NCAM2: variants seen among roughly 807,000 people sequenced by gnomAD.
The protein encoded by NCAM2 is neural cell adhesion molecule 2, also known as N-CAM-2.
In NCAM2, 30 loss-of-function variants were observed where a neutral mutation model predicts 98.1. That is an observed-to-expected ratio of 0.31 (90% CI 0.23 to 0.41). The LOEUF is 0.41. Ranked by LOEUF, NCAM2 falls within the 10% of genes least tolerant of loss-of-function variation. The pLI is 1.00. For synonymous variants in NCAM2, 368 were observed against 342.4 expected (o/e 1.07, Z -0.83); for missense variants, 867 against 1,005.8 (o/e 0.86, Z 1.87).
chr21:21,366,095 G>A (rs978675728), intron 8 of NCAM2, among the ~76,000 whole-genome samples: 12 of 152,008 alleles, frequency 7.9e-5, no homozygotes, highest in African/African-American at 2.9e-4. Context: ...AGAGCAAGAA[G>A]CATAGAGAAG....
chr21:21,406,224 T>C (rs1569027232), intron 9 of NCAM2, among the ~76,000 whole-genome samples: 1 of 152,150 alleles, frequency 6.6e-6, no homozygotes, highest in African/African-American at 2.4e-5. Context: ...CAAGTTGGAA[T>C]GTACAGCCAA....
At chr21:21,339,341 T>C (rs969134388) in intron 8 of NCAM2, among the ~76,000 whole-genome samples, 7 of 152,092 alleles carry the variant, frequency 4.6e-5, no homozygotes, top group African/African-American at 1.7e-4. Flanking sequence ...TTAACCAGAA[T>C]GCATTCAACT....
chr21:21,458,804 A>G (rs1294202165), intron 12 of NCAM2, among the ~76,000 whole-genome samples: 1 of 152,180 alleles, frequency 6.6e-6, no homozygotes, highest in Admixed American at 6.5e-5. Flanking sequence ...TATTTTGCAT[A>G]TGACACCCAA....
chr21:21,036,518 A>G (rs540581278), intron 1 of NCAM2, among the ~76,000 whole-genome samples: 8 of 152,344 alleles, frequency 5.3e-5, no homozygotes, highest in African/African-American at 1.7e-4. Flanking sequence ...AAAACCATAC[A>G]TATTTATTAA....
At chr21:21,217,641 C>G (rs2069960535) in intron 1 of NCAM2, among the ~76,000 whole-genome samples, 2 of 152,004 alleles carry the variant, frequency 1.3e-5, no homozygotes. Context: ...TTAATTAACT[C>G]AATAATTGAT....
At chr21:21,087,408 A>G (rs1333215249) in intron 1 of NCAM2, among the ~76,000 whole-genome samples, 1 of 152,018 alleles carries the variant, frequency 6.6e-6, no homozygotes, top group Non-Finnish European at 1.5e-5. Context: ...GTCCTCATCT[A>G]CTGTCGCTGC....
rs186470824 is a variant in NCAM2 at position 21,526,233 on chromosome 21, G to A, written c.2283-8304G>A. Among the ~76,000 whole-genome samples, 481 of 151,972 alleles carry A rather than the reference G, an allele frequency of 3.2e-3. 6 individuals carry two copies. The highest frequency in any genetic ancestry group is 0.011 in the African/African-American group (467 of 41,486). On this transcript the variant is annotated intron_variant, in intron 16 of 17. Transcript: ENST00000400546. ...ACATGATAGTCTATGAAAAAAGTCTGAAAAAACACCTGGGTATAGTCAATG... is the reference window on the plus strand; with the variant it reads ...ACATGATAGTCTATGAAAAAAGTCTAAAAAAACACCTGGGTATAGTCAATG...
chr21:21,186,195 A>G (rs1444019489), intron 1 of NCAM2, among the ~76,000 whole-genome samples: 1 of 152,170 alleles, frequency 6.6e-6, no homozygotes, highest in Non-Finnish European at 1.5e-5. Flanking sequence ...ATCAAAAATT[A>G]GTTTTCAAAG....
At chr21:21,265,515 A>G (rs1254915822) in intron 1 of NCAM2, among the ~76,000 whole-genome samples, 1 of 144,606 alleles carries the variant, frequency 6.9e-6, no homozygotes, top group Non-Finnish European at 1.5e-5. Context: ...GTGTATATAT[A>G]CACATACACA....
At chr21:21,457,456 A>G (rs572986937) in intron 12 of NCAM2, among the ~76,000 whole-genome samples, 1 of 152,276 alleles carries the variant, frequency 6.6e-6, no homozygotes, top group South Asian at 2.1e-4. Flanking sequence ...CCTGGCCAAT[A>G]TGGTGAAACC....
intron 11 of NCAM2, among the ~76,000 whole-genome samples, chr21:21,425,014 C>A (rs896050339): frequency 8.4e-6 from 1 of 119,480 alleles, no homozygotes; most frequent in East Asian, 2.5e-4. Flanking sequence ...CTAGCCTGGG[C>A]GACAAAAGCG....
chr21:21,320,597 A>G (rs1210700818), intron 5 of NCAM2, among the ~76,000 whole-genome samples: 1 of 152,132 alleles, frequency 6.6e-6, no homozygotes, highest in African/African-American at 2.4e-5. Flanking sequence ...TTAAAAAAAG[A>G]AAACAGATGG....
intron 1 of NCAM2, among the ~76,000 whole-genome samples, chr21:21,023,384 C>T (rs962620599): frequency 1.3e-5 from 2 of 151,818 alleles, no homozygotes; most frequent in African/African-American, 4.8e-5. Context: ...ATTAGCCAGG[C>T]GTGGTGGTGG....
chr21:21,515,828 T>C (rs1397773794), intron 16 of NCAM2, among the ~76,000 whole-genome samples: 1 of 152,160 alleles, frequency 6.6e-6, no homozygotes, highest in Non-Finnish European at 1.5e-5. Flanking sequence ...TGGGTTTAGG[T>C]GTTTGAAATC....
At chr21:21,339,451 A>T (rs1328926868) in intron 8 of NCAM2, among the ~76,000 whole-genome samples, 2 of 152,026 alleles carry the variant, frequency 1.3e-5, no homozygotes. Flanking sequence ...TCAAATACAA[A>T]CAAAAGAGAA....
chr21:21,361,823 G>A (rs1429532031), intron 8 of NCAM2, among the ~76,000 whole-genome samples: 2 of 152,024 alleles, frequency 1.3e-5, no homozygotes, highest in Non-Finnish European at 2.9e-5. Flanking sequence ...ATTAAGTGGT[G>A]TCTTTTTCTG....
intron 1 of NCAM2, among the ~76,000 whole-genome samples, chr21:21,238,656 C>G (rs2147224626): frequency 6.6e-6 from 1 of 152,040 alleles, no homozygotes; most frequent in South Asian, 2.1e-4. Context: ...TATTTGTTAA[C>G]TCAGGCCTAC....
intron 1 of NCAM2, among the ~76,000 whole-genome samples, chr21:21,275,301 G>T (rs1365954625): frequency 6.6e-6 from 1 of 151,684 alleles, no homozygotes; most frequent in African/African-American, 2.4e-5. Flanking sequence ...TTAGCCGGGC[G>T]TGGTGGCGGG....
Position 21,121,498 on chromosome 21 carries a change from G to C in NCAM2, c.55+122880G>C, listed in dbSNP as rs564272152. ...GCCTATCATAGCTGAATGTATGAAT[G>C]ACTTTGAATTGGGCTCTAATTATGA... On this transcript the variant is annotated intron_variant, in intron 1 of 17. Coordinates refer to ENST00000400546, the MANE Select transcript of NCAM2 (RefSeq NM_004540.5). Among the ~76,000 whole-genome samples the C allele has an allele frequency of 7.9e-5, 12 of 152,278 alleles. No homozygotes were observed. In the South Asian group the frequency reaches 2.1e-3, roughly 26 times the overall value.
Sources: allele counts gnomAD v4.1 joint callset (sites outside exome capture counted in the v4.1 genomes callset), GRCh38; gene constraint gnomAD v4.1.1; transcripts MANE v1.5; gene names NCBI Gene and HGNC (gene_info 2026-07-23, HGNC 2026-07-21).